The following MYEF2 variants were observed in gnomAD, a reference collection of about 807,000 sequenced individuals.
MYEF2 encodes myelin gene expression factor 2.
A neutral mutation model predicts 75.2 loss-of-function variants in MYEF2; 37 were observed. That is an observed-to-expected ratio of 0.49 (90% CI 0.38 to 0.65). The LOEUF (loss-of-function observed/expected upper bound fraction) is 0.65. Ranked by LOEUF, MYEF2 falls within the 30% of genes least tolerant of loss-of-function variation. The probability of loss-of-function intolerance (pLI) is 0.00; values close to 1 mark genes in which losing one functional copy is unlikely to be tolerated. For missense variants in MYEF2, 634 were observed against 771.4 expected, an observed-to-expected ratio of 0.82 and a Z score of 2.11; for synonymous variants, 195 against 241.6, an observed-to-expected ratio of 0.81 and a Z score of 1.79.
intron 9 of MYEF2, 200 bp from the exon 10 acceptor site, chr15:48,154,093 T>C (rs1039273056): frequency 2.2e-4 from 107 of 476,654 alleles, no homozygotes; most frequent in Non-Finnish European, 1.5e-5. Flanking sequence ...TAATGAGAAG[T>C]GTTTTATGAA....
chr15:48,156,078 C>G (rs539031205), intron 9 of MYEF2, among the ~76,000 whole-genome samples: 1 of 151,934 alleles, frequency 6.6e-6, no homozygotes, highest in Non-Finnish European at 1.5e-5. Flanking sequence ...ATGCCCGGCC[C>G]ATAATGGTAA....
chr15:48,149,946 T>C lies in MYEF2; in HGVS notation c.1379-575A>G, dbSNP rs888310181. On this transcript the variant is annotated intron_variant, in intron 14 of 16. Transcript: ENST00000324324. The surrounding 1 kb of genome is among the most constrained non-coding windows in gnomAD (Gnocchi z 4.0). ...TATTCTCATGGTAATTCAATACTCATAGCAAAACATAACTTTTAATCTCAA... is the reference window on the plus strand; with the variant it reads ...TATTCTCATGGTAATTCAATACTCACAGCAAAACATAACTTTTAATCTCAA... The C allele has an allele frequency of 6.6e-6, 1 of 152,102 alleles. No homozygotes were observed. Among genetic ancestry groups the C allele is most frequent in the Non-Finnish European group, 1.5e-5 (1 of 68,066 alleles). 9.4% of individuals were successfully genotyped at this position (152,102 alleles called of 1,614,324 possible).
chr15:48,162,712 A>G (rs991822475), intron 5 of MYEF2: 3 of 152,158 alleles, frequency 2.0e-5, no homozygotes, highest in African/African-American at 7.2e-5. Context: ...TAATTCATGC[A>G]ATATCTCAAC....
chr15:48,151,522 A>C lies in MYEF2; in HGVS notation c.1257T>G (p.Arg419=). 6.2e-7 allele frequency: 1 copy of C among 1,613,090 alleles called. No homozygotes were observed. Among genetic ancestry groups the C allele is most frequent in the African/African-American group, 1.3e-5 (1 of 74,980 alleles). Residue 419 remains arginine (R), a synonymous_variant, in exon 13 of 17, where the codon CGT becomes CGG. Coordinates refer to ENST00000324324, the MANE Select transcript of MYEF2 (RefSeq NM_016132.5). ...MTSSMERDFG[R]GDIGINRGFG... is the part of the protein sequence containing the mutation. ...AGCCTCGATTTATTCCAATATCACC[A>C]CGTCCAAAATCTCGCTCCATGCTAC...
chr15:48,155,489 AT>A (rs969330051), intron 9 of MYEF2, among the ~76,000 whole-genome samples: 2 of 152,112 alleles, frequency 1.3e-5, no homozygotes, highest in African/African-American at 2.4e-5. Context: ...CAGAAAAAGT[AT>A]TGGATCTAAG....
chr15:48,137,036 C>T lies in MYEF2; in HGVS notation c.*5872G>A. 2 of 1,458,794 alleles carry T rather than the reference C, an allele frequency of 1.4e-6. No individual in the cohort carries two copies. Among genetic ancestry groups the T allele is most frequent in the Non-Finnish European group, 1.8e-6 (2 of 1,085,028 alleles). The allele number at this position is 1,458,794 out of a possible 1,614,324, so 90.4% of individuals were successfully genotyped here. On this transcript the variant is annotated 3_prime_UTR_variant, in exon 17 of 17. Transcript: ENST00000324324. ...ACTTTAAAATTTCATTTCAATTCAG[C>T]AAGTATTGTGTGCTTTTTATGTAAA...
At chr15:48,176,823 G>A (rs928858780) in intron 1 of MYEF2, among the ~76,000 whole-genome samples, 1 of 152,090 alleles carries the variant, frequency 6.6e-6, no homozygotes, top group African/African-American at 2.4e-5. Context: ...AATTACTGAG[G>A]TGCACCACTC....
chr15:48,138,868 C>T lies in MYEF2; in HGVS notation c.*4040G>A. On this transcript the variant is annotated 3_prime_UTR_variant, in exon 17 of 17. Coordinates refer to ENST00000324324, the MANE Select transcript of MYEF2 (RefSeq NM_016132.5). The stretch of plus-strand genomic sequence containing the variant: ...AATGTTTTAAACAGCCTTTTAAAAA[C>T]TGATACAGCTAATTTATTTCAATAT... 1.2e-6 allele frequency: 1 copy of T among 867,004 alleles called. No homozygotes were observed. The highest frequency in any genetic ancestry group is 2.6e-5 in the East Asian group (1 of 38,940). 53.7% of individuals were successfully genotyped at this position (867,004 alleles called of 1,614,324 possible). A position where few individuals can be genotyped will look rare whatever the true frequency, so the allele number is the denominator to read the frequency against.
chr15:48,144,371 C>G (rs1430134258), intron 16 of MYEF2, among the ~76,000 whole-genome samples: 2 of 151,978 alleles, frequency 1.3e-5, no homozygotes. Flanking sequence ...CCTATTACTG[C>G]ATTTCTTTTT....
At chr15:48,153,055 C>T (rs2039555545) in intron 10 of MYEF2, 1 of 148,064 alleles carries the variant, frequency 6.8e-6, no homozygotes, top group Non-Finnish European at 1.5e-5. Context: ...TACAATATCA[C>T]AAAAAACTAA....
chr15:48,151,543 G>A lies in MYEF2; in HGVS notation c.1236C>T (p.Ser412=). 1 of 1,612,646 alleles carries A rather than the reference G, an allele frequency of 6.2e-7. No homozygotes were observed. The highest frequency in any genetic ancestry group is 8.5e-7 in the Non-Finnish European group (1 of 1,179,204). The change falls in exon 13 of 17, where the codon AGC becomes AGT. Residue 412 remains serine (S), a synonymous_variant. Transcript: ENST00000324324. ...CACCACGTCCAAAATCTCGCTCCAT[G>A]CTACTAGTCATCGCACCACGGTACA... The part of the protein sequence containing the change: ...GELYRGAMTS[S]MERDFGRGDI...
In MYEF2 at chr15:48,170,361, G is replaced by A. The variant is rs182583106; in HGVS notation, c.162-1522C>T. The stretch of plus-strand genomic sequence containing the variant: ...GGCTGGTCTCAAACTCCTGACCTCT[G>A]GTGATCCACCCGCCTCGGCCTCCCA... On this transcript the variant is annotated intron_variant, in intron 1 of 16. Transcript: ENST00000324324. Among the ~76,000 whole-genome samples the A allele has an allele frequency of 3.3e-3, 506 of 151,582 alleles. 1 individual carries two copies. Among genetic ancestry groups the A allele is most frequent in the African/African-American group, 0.011 (446 of 41,360 alleles).
rs538570737 is a variant in MYEF2 at position 48,135,115 on chromosome 15, G to A, written c.*7793C>T. The A allele has an allele frequency of 4.2e-5, 27 of 647,438 alleles. No individual in the cohort carries two copies. In the African/African-American group the frequency reaches 4.9e-4, roughly 12 times the overall value. 40.1% of individuals were successfully genotyped at this position (647,438 alleles called of 1,614,324 possible). Reference sequence around the variant, plus strand: ...TTCTATACCATATTCCAACAGGTCTGTGAGTTAACCTCATCACAATTGCTG... The same window carrying A: ...TTCTATACCATATTCCAACAGGTCTATGAGTTAACCTCATCACAATTGCTG... On this transcript the variant is annotated 3_prime_UTR_variant, in exon 17 of 17. Transcript: ENST00000324324.
At position 48,152,405 on chromosome 15, in the gene MYEF2, C is replaced by T. The variant is rs11070625; in HGVS notation, c.1088-121G>A. The stretch of plus-strand genomic sequence containing the variant: ...TAACCACAATGAAACACTAGAGAAG[C>T]GGTAGGGTACAGGAGGCATGGTTTA... On this transcript the variant is annotated intron_variant, in intron 10 of 16. Coordinates refer to ENST00000324324, the MANE Select transcript of MYEF2 (RefSeq NM_016132.5). The T allele has an allele frequency of 3.3e-4, 265 of 807,598 alleles. No individual in the cohort carries two copies. In the African/African-American group the frequency reaches 4.2e-3, roughly 13 times the overall value. The allele number at this position is 807,598 out of a possible 1,614,324, so 50.0% of individuals were successfully genotyped here.
In MYEF2 at chr15:48,142,365, G is replaced by A. The variant is rs771221649; in HGVS notation, c.*543C>T. On this transcript the variant is annotated 3_prime_UTR_variant, in exon 17 of 17. Transcript: ENST00000324324. ...TGTGGAGGTTGATATTATTAATAGT[G>A]TTATGCAGAAAATATGAATGGCAGG... 36 of 1,495,476 alleles carry A rather than the reference G, an allele frequency of 2.4e-5. No homozygotes were observed. Among genetic ancestry groups the A allele is most frequent in the Non-Finnish European group, 2.3e-5 (26 of 1,107,054 alleles). 92.6% of individuals were successfully genotyped at this position (1,495,476 alleles called of 1,614,324 possible). A position where few individuals can be genotyped will look rare whatever the true frequency, so the allele number is the denominator to read the frequency against.
Position 48,140,509 on chromosome 15 carries a change from G to C in MYEF2, c.*2399C>G, listed in dbSNP as rs982973741. The C allele has an allele frequency of 2.6e-5, 4 of 151,950 alleles. No homozygotes were observed. Among genetic ancestry groups the C allele is most frequent in the African/African-American group, 9.7e-5 (4 of 41,366 alleles). 9.4% of individuals were successfully genotyped at this position (151,950 alleles called of 1,614,324 possible). On this transcript the variant is annotated 3_prime_UTR_variant, in exon 17 of 17. Coordinates refer to ENST00000324324, the MANE Select transcript of MYEF2 (RefSeq NM_016132.5). ...AATAAATACATTTCTGAAAAATGTT[G>C]ACCTGACATCAAATTTAACAGAAGT...
intron 1 of MYEF2, among the ~76,000 whole-genome samples, chr15:48,176,701 TTTTAAG>T (rs779311620): frequency 1.3e-5 from 2 of 152,222 alleles, no homozygotes; most frequent in African/African-American, 4.8e-5. Context: ...TAGCACATAT[TTTTAAG>T]TTTATCATTC....
intron 1 of MYEF2, 21 bp downstream of exon 1, chr15:48,178,056 T>C: frequency 1.3e-6 from 2 of 1,586,312 alleles, no homozygotes; most frequent in Non-Finnish European, 1.7e-6. Flanking sequence ...TCGCCCCGGT[T>C]CCCGGAGGAA....
At chr15:48,152,677 A>G (rs954336320) in intron 10 of MYEF2, 3 of 176,586 alleles carry the variant, frequency 1.7e-5, no homozygotes, top group African/African-American at 7.1e-5. Context: ...GCCAGAATGT[A>G]AGGACTCTCT....
Sources: allele counts gnomAD v4.1 joint callset (sites outside exome capture counted in the v4.1 genomes callset), GRCh38; gene constraint gnomAD v4.1.1; non-coding constraint Gnocchi (gnomAD v3.1); transcripts MANE v1.5; gene names NCBI Gene and HGNC (gene_info 2026-07-23, HGNC 2026-07-21).